The following STK32A variants were observed in gnomAD, a reference collection of about 807,000 sequenced individuals.
STK32A encodes the protein serine/threonine-protein kinase 32A.
Under a neutral mutation model 53.2 loss-of-function variants are expected in STK32A, and 41 were observed. That is an observed-to-expected ratio of 0.77 (90% CI 0.60 to 1.00). STK32A has a LOEUF of 1.00. Ranked by LOEUF, STK32A falls within the 50% of genes least tolerant of loss-of-function variation. STK32A has a pLI of 0.00. For synonymous variants in STK32A, 166 were observed against 162.8 expected (o/e 1.02, Z -0.15); for missense variants, 458 against 485.8 (o/e 0.94, Z 0.54).
intron 7 of STK32A, among the ~76,000 whole-genome samples, chr5:147,360,314 G>C (rs529353176): frequency 2.0e-5 from 3 of 151,858 alleles, no homozygotes; most frequent in African/African-American, 7.2e-5. Flanking sequence ...TACCAAATGT[G>C]GTGGTACCCA....
intron 4 of STK32A, among the ~76,000 whole-genome samples, chr5:147,283,377 T>C (rs543549970): frequency 3.3e-5 from 5 of 150,736 alleles, no homozygotes; most frequent in Non-Finnish European, 5.9e-5. Context: ...AGGTCACACC[T>C]GAAGGGACTA....
chr5:147,358,611 A>G (rs1443628133), intron 7 of STK32A, among the ~76,000 whole-genome samples: 2 of 152,192 alleles, frequency 1.3e-5, no homozygotes, highest in African/African-American at 4.8e-5. Context: ...AACTACATGT[A>G]GCAACTTGGA....
At chr5:147,242,920 A>G (rs1753638234) in intron 2 of STK32A, among the ~76,000 whole-genome samples, 1 of 152,188 alleles carries the variant, frequency 6.6e-6, no homozygotes, top group Admixed American at 6.5e-5. Context: ...TGACCAAGAA[A>G]AAGCAACCAA....
chr5:147,321,924 T>C (rs1234291629), intron 4 of STK32A, among the ~76,000 whole-genome samples: 1 of 152,212 alleles, frequency 6.6e-6, no homozygotes, highest in Admixed American at 6.5e-5. Context: ...CTATTGCATC[T>C]GCCACTCATC....
chr5:147,390,113 G>A (rs1296937767), downstream of STK32A, among the ~76,000 whole-genome samples: 2 of 152,176 alleles, frequency 1.3e-5, no homozygotes, highest in Non-Finnish European at 2.9e-5. Context: ...AATTACAACT[G>A]GATTCAGCAG....
At chr5:147,235,867 CT>C (rs1297447682) in intron 1 of STK32A, among the ~76,000 whole-genome samples, 3 of 152,068 alleles carry the variant, frequency 2.0e-5, no homozygotes. Context: ...CCCTAAAATG[CT>C]TTAAAAATAA....
intron 7 of STK32A, among the ~76,000 whole-genome samples, chr5:147,354,546 A>C (rs1756132125): frequency 1.3e-5 from 2 of 152,254 alleles, no homozygotes. Flanking sequence ...TACCCTTGTA[A>C]TTAACAATGA....
chr5:147,349,029 C>A (rs771128187), intron 6 of STK32A, among the ~76,000 whole-genome samples: 8 of 152,210 alleles, frequency 5.3e-5, no homozygotes, highest in Non-Finnish European at 1.0e-4. Flanking sequence ...AGTCTCCAGA[C>A]TCACCTGATT....
chr5:147,302,935 CT>C (rs997939443), intron 4 of STK32A, among the ~76,000 whole-genome samples: 1 of 142,990 alleles, frequency 7.0e-6, no homozygotes, highest in African/African-American at 3.0e-5. Flanking sequence ...GTATATATTT[CT>C]TCCCAGTACA....
At chr5:147,344,061 T>C (rs1248834410) in intron 6 of STK32A, among the ~76,000 whole-genome samples, 2 of 152,204 alleles carry the variant, frequency 1.3e-5, no homozygotes, top group African/African-American at 4.8e-5. Context: ...ACAAAAACTG[T>C]ATGTTATAAA....
intron 4 of STK32A, among the ~76,000 whole-genome samples, chr5:147,305,030 G>C (rs764214825): frequency 6.6e-6 from 1 of 151,964 alleles, no homozygotes; most frequent in Non-Finnish European, 1.5e-5. Flanking sequence ...CCAGGAGTTT[G>C]AAGTGATTAC....
Position 147,279,186 on chromosome 5 carries a change from C to T in STK32A, c.109-61C>T, listed in dbSNP as rs1751914589. On this transcript the variant is annotated intron_variant, in intron 3 of 12. Coordinates refer to ENST00000397936, the MANE Select transcript of STK32A (RefSeq NM_001112724.2). The stretch of plus-strand genomic sequence containing the variant: ...CAGCAAAGAACATGTCTTGTTCTGT[C>T]TCTCATCACCATGATCCATTATCTC... The T allele has an allele frequency of 3.3e-6, 5 of 1,503,594 alleles. No homozygotes were observed. The South Asian group carries it at 6.7e-5, about 20-fold the overall frequency. The allele number at this position is 1,503,594 out of a possible 1,614,324, so 93.1% of individuals were successfully genotyped here.
At chr5:147,361,298 T>C (rs1156463460) in intron 7 of STK32A, among the ~76,000 whole-genome samples, 1 of 152,312 alleles carries the variant, frequency 6.6e-6, no homozygotes, top group East Asian at 1.9e-4. Flanking sequence ...TGAAGGCCTA[T>C]GCATGCCTGT....
intron 4 of STK32A, among the ~76,000 whole-genome samples, chr5:147,303,588 G>T (rs1473994356): frequency 6.6e-6 from 1 of 152,102 alleles, no homozygotes; most frequent in Non-Finnish European, 1.5e-5. Context: ...AGTCAACATT[G>T]CAAAAAGCCA....
At chr5:147,264,686 A>T (rs914243889) in intron 2 of STK32A, among the ~76,000 whole-genome samples, 22 of 152,318 alleles carry the variant, frequency 1.4e-4, no homozygotes, top group African/African-American at 5.1e-4. Context: ...AACATGAGCT[A>T]AATCCCCATC....
intron 2 of STK32A, among the ~76,000 whole-genome samples, chr5:147,249,421 G>A (rs1197348589): frequency 1.3e-5 from 2 of 152,068 alleles, no homozygotes; most frequent in Non-Finnish European, 2.9e-5. Flanking sequence ...TAATCATCAT[G>A]GTTTCCAATG....
intron 12 of STK32A, 139 bp downstream of exon 12, chr5:147,383,644 T>C (rs1162032046): frequency 1.2e-6 from 1 of 858,328 alleles, no homozygotes; most frequent in Non-Finnish European, 1.7e-6. Flanking sequence ...TTATAGAAAA[T>C]GTAGAAACCT....
At chr5:147,311,094 T>C (rs955503355) in intron 4 of STK32A, among the ~76,000 whole-genome samples, 1 of 152,174 alleles carries the variant, frequency 6.6e-6, no homozygotes, top group African/African-American at 2.4e-5. Flanking sequence ...TTTATTTTAT[T>C]TGAGGCTATA....
At position 147,238,162 on chromosome 5, in the gene STK32A, G is replaced by T. The variant is rs537106240; in HGVS notation, c.-96-1377G>T. On this transcript the variant is annotated intron_variant, in intron 1 of 12. Transcript: ENST00000397936. ...GAGTAGAATTTTAAAATATTATTTT[G>T]TACAAAATCTAGACCTTTACCCCAT... 3.3e-5 allele frequency among the ~76,000 whole-genome samples: 5 copies of T among 152,294 alleles called. No individual in the cohort carries two copies. In the East Asian group the frequency reaches 9.7e-4, roughly 29 times the overall value.
Sources: gnomAD v4.1 joint callset for allele counts (sites outside exome capture counted in the v4.1 genomes callset) on GRCh38, gnomAD v4.1.1 for gene constraint, MANE v1.5 for transcripts, NCBI Gene and HGNC (gene_info 2026-07-23, HGNC 2026-07-21) for gene names.